The following ACACA variants were observed in gnomAD, a reference collection of about 807,000 sequenced individuals.
The protein encoded by ACACA is acetyl-CoA carboxylase alpha, also known as acetyl-CoA carboxylase 1.
In ACACA, 103 loss-of-function variants were observed where a neutral mutation model predicts 296.1. The ratio of observed to expected loss-of-function variants is 0.35; its 90% CI spans 0.30 to 0.41. The LOEUF is 0.41. Ranked by LOEUF, ACACA falls within the 10% of genes least tolerant of loss-of-function variation. The pLI, the probability that ACACA is intolerant of heterozygous loss-of-function variation, is 1.00. For missense variants in ACACA, 1,554 were observed against 2,989.7 expected (o/e 0.52, Z 11.20); for synonymous variants, 953 against 1,038.6 (o/e 0.92, Z 1.58).
chr17:37,223,713 G>A (rs529860245), intron 27 of ACACA, 112 bp from the exon 28 acceptor site: 1 of 783,394 alleles, frequency 1.3e-6, no homozygotes, highest in South Asian at 1.4e-5. Flanking sequence ...GTCTCTGAAT[G>A]CCATAATCTC....
At chr17:37,363,243 C>CA (rs2049482360) in intron 1 of ACACA, among the ~76,000 whole-genome samples, 1 of 133,490 alleles carries the variant, frequency 7.5e-6, no homozygotes, top group Admixed American at 8.3e-5. Flanking sequence ...AGTGCAGTGG[C>CA]ACGATCTCGG....
chr17:37,380,831 A>G (rs1370772078), intron 1 of ACACA, among the ~76,000 whole-genome samples: 1 of 151,586 alleles, frequency 6.6e-6, no homozygotes, highest in African/African-American at 2.4e-5. Flanking sequence ...CTCTGACCTC[A>G]AGTATCTGCC....
At position 37,226,410 on chromosome 17, in the gene ACACA, GCAGCTCAT is replaced by G; in HGVS notation, c.3281_3288del (p.Asp1094AlafsTer12). 1 of 1,614,128 alleles carries G rather than the reference GCAGCTCAT, an allele frequency of 6.2e-7. No homozygotes were observed. Among genetic ancestry groups the G allele is most frequent in the Non-Finnish European group, 8.5e-7 (1 of 1,180,018 alleles). On this transcript the variant is annotated frameshift_variant, in exon 26 of 56. Transcript: ENST00000616317. LOFTEE classifies it high-confidence loss of function. ...TGAGTTAGCTCTGTGAGAATATTCA[GCAGCTCAT>G]CAGTGAGAGTAGGGTCCCGGCCACA...
At chr17:37,305,590 T>C (rs2083835761) in intron 3 of ACACA, among the ~76,000 whole-genome samples, 1 of 152,224 alleles carries the variant, frequency 6.6e-6, no homozygotes, top group African/African-American at 2.4e-5. Flanking sequence ...TCATGTCTCT[T>C]CTGTGCATGT....
chr17:37,164,283 T>C (rs936871900), intron 41 of ACACA, among the ~76,000 whole-genome samples: 3 of 152,128 alleles, frequency 2.0e-5, no homozygotes, highest in African/African-American at 7.2e-5. Context: ...GCCACATGCA[T>C]CACCCAGACT....
At chr17:37,112,572 A>T (rs1416524764) in intron 51 of ACACA, among the ~76,000 whole-genome samples, 1 of 152,192 alleles carries the variant, frequency 6.6e-6, no homozygotes, top group Non-Finnish European at 1.5e-5. Context: ...TAGGACTTAA[A>T]AAATAATAAA....
intron 48 of ACACA, 38 bp from the exon 49 acceptor site, chr17:37,122,665 T>G (rs1384252219): frequency 6.5e-7 from 1 of 1,533,184 alleles, no homozygotes; most frequent in Admixed American, 1.7e-5. Context: ...CCAATGTATG[T>G]CAACATTATA....
At chr17:37,152,909 C>T (rs17573893) in intron 43 of ACACA, among the ~76,000 whole-genome samples, 8,431 of 152,164 alleles carry the variant, frequency 0.055, 404 homozygotes, top group Admixed American at 0.15. Context: ...TTTCTTTGCC[C>T]TTGCTGTTGG....
intron 25 of ACACA, among the ~76,000 whole-genome samples, chr17:37,229,503 CCGTGT>C: frequency 6.6e-6 from 1 of 151,822 alleles, no homozygotes; most frequent in Middle Eastern, 3.4e-3. Context: ...TGGGGTTTCA[CCGTGT>C]TAACCAGGAT....
intron 52 of ACACA, among the ~76,000 whole-genome samples, chr17:37,100,638 A>C (rs2073306436): frequency 1.3e-5 from 2 of 152,066 alleles, no homozygotes; most frequent in South Asian, 4.2e-4. Flanking sequence ...CTCAAAAAAA[A>C]AAAAAAAAAC....
chr17:37,106,156 A>G lies in ACACA; in HGVS notation c.6565+5375T>C, dbSNP rs563417347. Among the ~76,000 whole-genome samples, 40 of 152,276 alleles carry G rather than the reference A, an allele frequency of 2.6e-4. 1 individual carries two copies. The East Asian group carries it at 7.5e-3, about 29-fold the overall frequency. ...TATAAACATAGTAAGATAGGTAAAA[A>G]AAAAAAATCCTGCAAAACTATTTCT... On this transcript the variant is annotated intron_variant, in intron 52 of 55. Coordinates refer to ENST00000616317, the MANE Select transcript of ACACA (RefSeq NM_198834.3).
intron 45 of ACACA, chr17:37,144,317 C>T: frequency 1.8e-6 from 1 of 545,256 alleles, no homozygotes; most frequent in Non-Finnish European, 3.4e-6. Flanking sequence ...CACAGCGAGG[C>T]ACAGAGTCAC....
At position 37,192,155 on chromosome 17, in the gene ACACA, T is replaced by C. The variant is rs762453832; in HGVS notation, c.4351A>G (p.Thr1451Ala). Residue 1451 changes from threonine (T) to alanine (A), a missense_variant, in exon 37 of 56, where the codon ACA (threonine) becomes GCA (alanine). Around this residue, in one of 16 missense-constraint regions of ACACA, gnomAD observed 179 missense variants for 283.2 expected, o/e 0.63. Transcript: ENST00000616317. ...YLGAAKVEVG[T>A]EVTDYRFFVR... The stretch of plus-strand genomic sequence containing the variant: ...AAGAACCTGTAGTCTGTCACTTCTG[T>C]GCCCACTTCCACCTTGGCTGCCCCG... The C allele has an allele frequency of 2.5e-6, 4 of 1,613,988 alleles. No homozygotes were observed. The African/African-American group carries it at 5.3e-5, about 22-fold the overall frequency.
intron 31 of ACACA, 87 bp downstream of exon 31, chr17:37,207,570 C>A (rs1385013514): frequency 2.0e-6 from 3 of 1,516,612 alleles, no homozygotes; most frequent in African/African-American, 1.4e-5. Flanking sequence ...ATTCGGGAGA[C>A]CTTTATTCAT....
rs1300079079 is a variant in ACACA, at chr17:37,113,868, G to T, written c.6275-603C>A. Among the ~76,000 whole-genome samples, 1 of 152,144 alleles carries T rather than the reference G, an allele frequency of 6.6e-6. No homozygotes were observed. On this transcript the variant is annotated intron_variant, in intron 50 of 55. Coordinates refer to ENST00000616317, the MANE Select transcript of ACACA (RefSeq NM_198834.3). The surrounding 1 kb of genome is among the most constrained non-coding windows in gnomAD (Gnocchi z 4.0). ...CTGAATAAATTAGTTATATACTCTG[G>T]AAAGAATATAATGAGAAAGAAAGAC...
intron 28 of ACACA, among the ~76,000 whole-genome samples, chr17:37,222,446 AG>A (rs2079341105): frequency 6.6e-6 from 1 of 152,220 alleles, no homozygotes; most frequent in Non-Finnish European, 1.5e-5. Flanking sequence ...CAAGAGTTAA[AG>A]GAACAGCAAT....
At chr17:37,390,045 G>GGAGGCA (rs1003946251) in intron 1 of ACACA, among the ~76,000 whole-genome samples, 3 of 141,132 alleles carry the variant, frequency 2.1e-5, no homozygotes, top group Non-Finnish European at 4.5e-5. Flanking sequence ...CAGTGCTTTG[G>GGAGGCA]GAGGCAGAGG....
intron 4 of ACACA, among the ~76,000 whole-genome samples, chr17:37,284,028 T>C (rs1480417327): frequency 3.3e-5 from 5 of 152,160 alleles, no homozygotes; most frequent in African/African-American, 1.2e-4. Flanking sequence ...AGACACATAA[T>C]CTGTCTTTAT....
chr17:37,286,905 T>C (rs1336336550), intron 3 of ACACA, among the ~76,000 whole-genome samples: 2 of 152,230 alleles, frequency 1.3e-5, no homozygotes, highest in African/African-American at 2.4e-5. Context: ...AGGTGATAGC[T>C]ACTTCCTCTA....
Sources: allele counts gnomAD v4.1 joint callset (sites outside exome capture counted in the v4.1 genomes callset), GRCh38; gene constraint gnomAD v4.1.1; regional missense constraint gnomAD v4.1.1; non-coding constraint Gnocchi (gnomAD v3.1); transcripts MANE v1.5; gene names NCBI Gene and HGNC (gene_info 2026-07-23, HGNC 2026-07-21).